The following PRPF18 variants were observed in gnomAD, a reference collection of about 807,000 sequenced individuals.
PRPF18 encodes pre-mRNA processing factor 18.
In PRPF18, 38 loss-of-function variants were observed where a neutral mutation model predicts 46.5. That is an observed-to-expected ratio of 0.82 (90% CI 0.63 to 1.07). The LOEUF is 1.07. Ranked by LOEUF, PRPF18 falls within the 50% of genes least tolerant of loss-of-function variation. The probability of loss-of-function intolerance (pLI) is 0.00; values close to 1 mark genes in which losing one functional copy is unlikely to be tolerated. For missense variants in PRPF18, 263 were observed against 410.0 expected, an observed-to-expected ratio of 0.64 and a Z score of 3.10; for synonymous variants, 152 against 146.7, an observed-to-expected ratio of 1.04 and a Z score of -0.26.
At chr10:13,603,461 TA>T (rs1182965155) in intron 3 of PRPF18, among the ~76,000 whole-genome samples, 1 of 152,240 alleles carries the variant, frequency 6.6e-6, no homozygotes, top group African/African-American at 2.4e-5. Context: ...GTTAGCTATT[TA>T]AACTGATAAC....
intron 9 of PRPF18, among the ~76,000 whole-genome samples, chr10:13,623,821 T>C (rs1193268557): frequency 6.6e-6 from 1 of 152,218 alleles, no homozygotes; most frequent in Non-Finnish European, 1.5e-5. Context: ...ATCCAGGATA[T>C]ATCCTATATC....
chr10:13,617,079 C>T (rs1013775996), intron 9 of PRPF18, among the ~76,000 whole-genome samples: 4 of 152,310 alleles, frequency 2.6e-5, no homozygotes, highest in Admixed American at 2.6e-4. Context: ...GTTATACATG[C>T]TTCACATAAA....
Position 13,616,493 on chromosome 10 carries a change from G to A in PRPF18, c.888G>A (p.Lys296=). The A allele has an allele frequency of 6.2e-7, 1 of 1,614,070 alleles. No individual in the cohort carries two copies. The highest frequency in any genetic ancestry group is 8.5e-7 in the Non-Finnish European group (1 of 1,179,970). The change falls in exon 9 of 10, where the codon AAG becomes AAA. Residue 296 remains lysine, a synonymous_variant. Coordinates refer to ENST00000378572, the MANE Select transcript of PRPF18 (RefSeq NM_003675.4). The part of the protein sequence containing the change: ...VGIHARTGRE[K]IFSKHVAHVL... ...TCCATGCCAGAACTGGCAGAGAAAA[G>A]ATTTTTTCCAAGCATGTTGCACATG...
chr10:13,613,269 C>T (rs566763295), intron 6 of PRPF18, among the ~76,000 whole-genome samples: 1 of 152,076 alleles, frequency 6.6e-6, no homozygotes, highest in Non-Finnish European at 1.5e-5. Context: ...AGTGGGAATG[C>T]TGGGTCTTGG....
Position 13,611,640 on chromosome 10 carries a change from G to T in PRPF18, c.536G>T (p.Gly179Val). The T allele has an allele frequency of 1.2e-6, 2 of 1,613,960 alleles. No homozygotes were observed. Among genetic ancestry groups the T allele is most frequent in the South Asian group, 2.2e-5 (2 of 91,068 alleles). The change falls in exon 6 of 10, where the codon GGC (glycine) becomes GTC (valine). Residue 179 changes from glycine (G) to valine (V), a missense_variant. Around this residue, in one of 4 missense-constraint regions of PRPF18, gnomAD observed 155 missense variants for 245.1 expected, o/e 0.63. Transcript: ENST00000378572. ...GCGCTTGGAGAGTCCTTAGGGAAAG[G>T]CGATGATCATAAAGACATGGACATC... is the stretch of plus-strand genomic sequence containing the variant. ...LEALGESLGK[G>V]DDHKDMDIIT... is the part of the protein sequence containing the mutation.
At chr10:13,636,928 G>C in the PRPF18 span, 2 of 152,272 alleles carry the variant, frequency 1.3e-5, no homozygotes, top group East Asian at 3.9e-4. Context: ...AACCCCGTTT[G>C]CCTGTGTTTA....
chr10:13,611,598 T>C lies in PRPF18; in HGVS notation c.511-17T>C. The C allele has an allele frequency of 6.2e-7, 1 of 1,608,194 alleles. No individual in the cohort carries two copies. The highest frequency in any genetic ancestry group is 8.5e-7 in the Non-Finnish European group (1 of 1,174,798). On this transcript the variant is annotated splice_polypyrimidine_tract_variant and intron_variant, in intron 5 of 9. Coordinates refer to ENST00000378572, the MANE Select transcript of PRPF18 (RefSeq NM_003675.4). ...GCTCTGTATTAATGAACAGAAGCAT[T>C]GTTTCTTTTTCTTCAGGCGCTTGGA...
chr10:13,587,224 G>T, intron 1 of PRPF18, 72 bp downstream of exon 1: 1 of 1,480,198 alleles, frequency 6.8e-7, no homozygotes, highest in Admixed American at 1.7e-5. Context: ...TGGGGTGAGG[G>T]TGACGATACT....
chr10:13,605,114 C>A lies in PRPF18; in HGVS notation c.250-517C>A, dbSNP rs1340785658. Among the ~76,000 whole-genome samples the A allele has an allele frequency of 3.3e-5, 5 of 152,038 alleles. No individual in the cohort carries two copies. In the East Asian group the frequency reaches 9.6e-4, roughly 29 times the overall value. On this transcript the variant is annotated intron_variant, in intron 3 of 9. Coordinates refer to ENST00000378572, the MANE Select transcript of PRPF18 (RefSeq NM_003675.4). ...ATAGATTTTTAAAGTACTTGATTTT[C>A]TCTTTGATTTGGAAACATCTTTGTT...
downstream of PRPF18, among the ~76,000 whole-genome samples, chr10:13,634,176 G>A (rs2080614742): frequency 6.6e-6 from 1 of 152,316 alleles, no homozygotes; most frequent in South Asian, 2.1e-4. Flanking sequence ...AATTTATCAT[G>A]AAAGCATTGA....
the PRPF18 span, chr10:13,652,835 T>G: frequency 6.6e-6 from 1 of 152,252 alleles, no homozygotes; most frequent in East Asian, 1.9e-4. Flanking sequence ...TGGATTTTTT[T>G]TGTGTTACAG....
the PRPF18 span, chr10:13,647,561 C>G: frequency 9.2e-5 from 14 of 152,162 alleles, no homozygotes; most frequent in African/African-American, 3.4e-4. Flanking sequence ...GAAGAACATT[C>G]AAAATGTGAG....
At chr10:13,632,793 C>A (rs1479347498), downstream of PRPF18, 1 of 152,202 alleles carries the variant, frequency 6.6e-6, no homozygotes, top group African/African-American at 2.4e-5. Flanking sequence ...TGCCCTTCCC[C>A]AATTTCCAAA....
intron 8 of PRPF18, among the ~76,000 whole-genome samples, chr10:13,615,797 G>A (rs961853540): frequency 6.6e-6 from 1 of 152,094 alleles, no homozygotes; most frequent in East Asian, 1.9e-4. Context: ...TGGCAGGTAG[G>A]GGGTGGGGTG....
At chr10:13,621,633 C>G (rs17153604) in intron 9 of PRPF18, among the ~76,000 whole-genome samples, 35,820 of 152,112 alleles carry the variant, frequency 0.24, 4,663 homozygotes, top group East Asian at 0.56. Flanking sequence ...ATCACATTAT[C>G]CAGTTCGACT....
intron 3 of PRPF18, among the ~76,000 whole-genome samples, chr10:13,604,818 GTGTT>G (rs2080161688): frequency 1.3e-5 from 2 of 152,296 alleles, no homozygotes; most frequent in East Asian, 1.9e-4. Flanking sequence ...TTCAAAACAA[GTGTT>G]TGATCACCAA....
chr10:13,654,846 C>CAAAGA, the PRPF18 span: 9,601 of 362,346 alleles, frequency 0.026, 587 homozygotes, highest in African/African-American at 0.14. Flanking sequence ...TCTACAGCAG[C>CAAAGA]AAAGAATCTG....
chr10:13,642,874 T>A, the PRPF18 span: 2 of 152,232 alleles, frequency 1.3e-5, no homozygotes, highest in African/African-American at 4.8e-5. Flanking sequence ...TGATTCTCAG[T>A]GGATTGTTTT....
chr10:13,595,569 G>A (rs1299219203), intron 1 of PRPF18, among the ~76,000 whole-genome samples: 2 of 152,186 alleles, frequency 1.3e-5, no homozygotes, highest in African/African-American at 4.8e-5. Flanking sequence ...TTAAGGACCA[G>A]AGTTCTAGTT....
Sources: gnomAD v4.1 joint callset for allele counts (sites outside exome capture counted in the v4.1 genomes callset) on GRCh38, gnomAD v4.1.1 for gene constraint, gnomAD v4.1.1 regional missense constraint, MANE v1.5 for transcripts, NCBI Gene and HGNC (gene_info 2026-07-23, HGNC 2026-07-21) for gene names.